The following ADAMTS6 variants were observed in gnomAD, a reference collection of about 807,000 sequenced individuals.
ADAMTS6 encodes the protein ADAM metallopeptidase with thrombospondin type 1 motif 6.
ADAMTS6 carries 23 observed loss-of-function variants against 144.3 expected under a neutral mutation model. That is an observed-to-expected ratio of 0.16 (90% CI 0.11 to 0.23). The LOEUF is 0.23. Ranked by LOEUF, ADAMTS6 falls within the 10% of genes least tolerant of loss-of-function variation. The pLI is 1.00. For missense variants in ADAMTS6, 999 were observed against 1,379.6 expected (o/e 0.72, Z 4.37); for synonymous variants, 444 against 457.5 (o/e 0.97, Z 0.38).
chr5:65,191,472 G>C (rs1755013786), intron 21 of ADAMTS6, among the ~76,000 whole-genome samples: 1 of 152,068 alleles, frequency 6.6e-6, no homozygotes, highest in Non-Finnish European at 1.5e-5. Context: ...TTAGGATTAA[G>C]AGAGAGATTT....
At chr5:65,365,393 C>A (rs1750209534) in intron 7 of ADAMTS6, among the ~76,000 whole-genome samples, 1 of 152,098 alleles carries the variant, frequency 6.6e-6, no homozygotes, top group South Asian at 2.1e-4. Flanking sequence ...CACCTGTAAT[C>A]CAAGCACTTT....
intron 21 of ADAMTS6, 69 bp from the exon 22 acceptor site, chr5:65,188,289 G>T: frequency 6.7e-7 from 1 of 1,499,320 alleles, no homozygotes; most frequent in Non-Finnish European, 9.2e-7. Context: ...TTAGCTAAGT[G>T]AAGGCACTTT....
intron 23 of ADAMTS6, 39 bp from the exon 24 acceptor site, chr5:65,170,812 A>AACAATTT: frequency 6.4e-7 from 1 of 1,564,480 alleles, no homozygotes; most frequent in Middle Eastern, 1.7e-4. Context: ...TATTAATCTC[A>AACAATTT]ACAATTTTCA....
chr5:65,373,776 G>C (rs1751222460), intron 7 of ADAMTS6, among the ~76,000 whole-genome samples: 1 of 152,264 alleles, frequency 6.6e-6, no homozygotes. Context: ...GCATCATCCT[G>C]ATACCAAAGC....
chr5:65,225,485 G>GT (rs955270576), intron 16 of ADAMTS6, among the ~76,000 whole-genome samples: 1 of 152,154 alleles, frequency 6.6e-6, no homozygotes, highest in African/African-American at 2.4e-5. Flanking sequence ...GAAAATAGTG[G>GT]TTTTTGTGGC....
At chr5:65,353,226 T>C (rs577993915) in intron 7 of ADAMTS6, among the ~76,000 whole-genome samples, 15 of 152,152 alleles carry the variant, frequency 9.9e-5, no homozygotes, top group South Asian at 2.1e-4. Context: ...GGTTCCCCCA[T>C]AGAAATTATC....
chr5:65,242,653 T>C (rs991187619), intron 14 of ADAMTS6, among the ~76,000 whole-genome samples: 2 of 152,104 alleles, frequency 1.3e-5, no homozygotes, highest in African/African-American at 4.8e-5. Flanking sequence ...TTAATTGTGG[T>C]TTGGACTCCT....
In ADAMTS6 at chr5:65,408,444, G is replaced by A. The variant is rs938830423; in HGVS notation, c.1073+43031C>T. On this transcript the variant is annotated intron_variant, in intron 7 of 24. Coordinates refer to ENST00000381055, the MANE Select transcript of ADAMTS6 (RefSeq NM_197941.4). ...TAAAGGGATCAATTCAACAAGAAGA[G>A]CTAACTATCTTAAATATATATGCAC... is the stretch of plus-strand genomic sequence containing the variant. 2.6e-5 allele frequency among the ~76,000 whole-genome samples: 4 copies of A among 152,260 alleles called. No homozygotes were observed. The South Asian group carries it at 6.2e-4, about 24-fold the overall frequency.
At chr5:65,480,169 AAAAG>A (rs1206185365) in intron 1 of ADAMTS6, among the ~76,000 whole-genome samples, 1 of 152,252 alleles carries the variant, frequency 6.6e-6, no homozygotes, top group African/African-American at 2.4e-5. Flanking sequence ...ACAGAAACTA[AAAAG>A]AAAGAAAAAA....
At chr5:65,202,743 A>G (rs940907360) in intron 20 of ADAMTS6, among the ~76,000 whole-genome samples, 3 of 152,192 alleles carry the variant, frequency 2.0e-5, no homozygotes, top group Non-Finnish European at 4.4e-5. Context: ...AACTCTTTTC[A>G]TAGCCAAATG....
Position 65,193,204 on chromosome 5 carries a change from A to C in ADAMTS6, c.2705+3818T>G, listed in dbSNP as rs906082930. Among the ~76,000 whole-genome samples, 3 of 151,994 alleles carry C rather than the reference A, an allele frequency of 2.0e-5. No homozygotes were observed. The East Asian group carries it at 5.8e-4, about 29-fold the overall frequency. ...ACCAATGAAGAAATAAAGGTTTGAC[A>C]GCTTTCTTAAATAAGATTTTCTAAA... On this transcript the variant is annotated intron_variant, in intron 21 of 24. Transcript: ENST00000381055.
chr5:65,276,606 CTTCT>C (rs1245686529), intron 11 of ADAMTS6, among the ~76,000 whole-genome samples: 2 of 152,166 alleles, frequency 1.3e-5, no homozygotes, highest in Non-Finnish European at 2.9e-5. Flanking sequence ...CAGAAATACA[CTTCT>C]TTCTCTAAAC....
At chr5:65,166,290 A>ATTTTGGTAAAGGCCT (rs1753149806) in intron 24 of ADAMTS6, among the ~76,000 whole-genome samples, 1 of 113,282 alleles carries the variant, frequency 8.8e-6, no homozygotes, top group Non-Finnish European at 1.8e-5. Flanking sequence ...AAAGAAGGCC[A>ATTTTGGTAAAGGCCT]TTACATAATG....
At chr5:65,416,068 A>G in intron 7 of ADAMTS6, 1 of 193,756 alleles carries the variant, frequency 5.2e-6, no homozygotes, top group Non-Finnish European at 1.1e-5. Context: ...AACTTCAATG[A>G]CATCTCTAAG....
chr5:65,241,087 C>T (rs765119039), intron 15 of ADAMTS6, among the ~76,000 whole-genome samples: 1 of 151,652 alleles, frequency 6.6e-6, no homozygotes, highest in Non-Finnish European at 1.5e-5. Flanking sequence ...GGGAGAAGAA[C>T]AGACATGTAT....
chr5:65,478,524 T>C (rs1466701178), intron 1 of ADAMTS6, among the ~76,000 whole-genome samples: 1 of 152,202 alleles, frequency 6.6e-6, no homozygotes, highest in Admixed American at 6.5e-5. Context: ...TGTTAAGAGA[T>C]TAGATTACAT....
intron 14 of ADAMTS6, among the ~76,000 whole-genome samples, chr5:65,245,475 C>T (rs1759547462): frequency 6.6e-6 from 1 of 152,138 alleles, no homozygotes; most frequent in South Asian, 2.1e-4. Flanking sequence ...ACAAAACTAC[C>T]TCTTATGTAT....
chr5:65,226,377 T>G (rs963708872), intron 15 of ADAMTS6, among the ~76,000 whole-genome samples, 158 bp from the exon 16 acceptor site: 2 of 152,126 alleles, frequency 1.3e-5, no homozygotes, highest in African/African-American at 4.8e-5. Flanking sequence ...AAATTTCACC[T>G]TTATTTTAAT....
At chr5:65,316,765 TATA>T (rs1745041024) in intron 9 of ADAMTS6, among the ~76,000 whole-genome samples, 1 of 152,160 alleles carries the variant, frequency 6.6e-6, no homozygotes, top group South Asian at 2.1e-4. Context: ...TTTTCCTTTT[TATA>T]ATGATAAAGA....
Sources: gnomAD v4.1 joint callset for allele counts (sites outside exome capture counted in the v4.1 genomes callset) on GRCh38, gnomAD v4.1.1 for gene constraint, MANE v1.5 for transcripts, NCBI Gene and HGNC (gene_info 2026-07-23, HGNC 2026-07-21) for gene names.